The following GEMIN5 variants were observed in gnomAD, a reference collection of about 807,000 sequenced individuals.
GEMIN5 encodes gem nuclear organelle associated protein 5.
In GEMIN5, 124 loss-of-function variants were observed where a neutral mutation model predicts 176.9. The ratio of observed to expected loss-of-function variants is 0.70; its 90% CI spans 0.61 to 0.81. GEMIN5 has a LOEUF of 0.81. Among genes scored for constraint, GEMIN5 ranks in the 40% least tolerant of loss-of-function variants. The probability of loss-of-function intolerance (pLI) is 0.00; values close to 1 mark genes in which losing one functional copy is unlikely to be tolerated. For missense variants in GEMIN5, 1,843 were observed against 1,814.6 expected, an observed-to-expected ratio of 1.02 and a Z score of -0.28; for synonymous variants, 673 against 665.2, an observed-to-expected ratio of 1.01 and a Z score of -0.18.
At chr5:154,890,973 C>T (rs1278360785) in intron 26 of GEMIN5, among the ~76,000 whole-genome samples, 1 of 151,424 alleles carries the variant, frequency 6.6e-6, no homozygotes, top group African/African-American at 2.4e-5. Context: ...CCAGGCTGGT[C>T]TCAAACTCCT....
intron 14 of GEMIN5, 69 bp downstream of exon 14, chr5:154,912,830 G>A: frequency 7.3e-7 from 1 of 1,360,694 alleles, no homozygotes; most frequent in South Asian, 1.4e-5. Context: ...TTCACAACTG[G>A]GGGAAAAGAA....
At chr5:154,924,990 AAAAACAAAAC>A (rs1278071845) in intron 8 of GEMIN5, among the ~76,000 whole-genome samples, 1 of 152,198 alleles carries the variant, frequency 6.6e-6, no homozygotes, top group East Asian at 1.9e-4. Context: ...CTCTGTCTCA[AAAAACAAAAC>A]AAAACAAAAC....
chr5:154,917,031 C>T lies in GEMIN5; in HGVS notation c.1822G>A (p.Val608Ile). 6.3e-7 allele frequency: 1 copy of T among 1,598,540 alleles called. No individual in the cohort carries two copies. The highest frequency in any genetic ancestry group is 8.6e-7 in the Non-Finnish European group (1 of 1,168,374). Reference sequence around the variant, plus strand: ...GTCTTCAGGTTGTGCACGTAAATGACTGCATTGTTGGAGCCAGAGGCCATC... The same window carrying T: ...GTCTTCAGGTTGTGCACGTAAATGATTGCATTGTTGGAGCCAGAGGCCATC... ...YLMASGSNNAVIYVHNLKTVI... is the reference protein window; with the variant it reads ...YLMASGSNNAIIYVHNLKTVI... The change falls in exon 13 of 28, where the codon GTC becomes ATC. Residue 608 changes from valine (V) to isoleucine (I), a missense_variant. Physicochemically the swap from Val to Ile is conservative, Grantham distance 29 (BLOSUM62 3). Transcript: ENST00000285873.
At chr5:154,918,208 CA>C (rs1362168393) in intron 11 of GEMIN5, among the ~76,000 whole-genome samples, 1 of 151,934 alleles carries the variant, frequency 6.6e-6, no homozygotes, top group Admixed American at 6.6e-5. Context: ...AAAAACAAAA[CA>C]AAAAAACCCC....
In GEMIN5 at chr5:154,901,479, G is replaced by C. The variant is rs769499034; in HGVS notation, c.2874C>G (p.Tyr958Ter). 1.9e-6 allele frequency: 3 copies of C among 1,613,196 alleles called. No homozygotes were observed. The highest frequency in any genetic ancestry group is 2.5e-6 in the Non-Finnish European group (3 of 1,179,670). The change falls in exon 21 of 28, where the codon TAC becomes TAG. Residue 958 changes from tyrosine (Y) to a stop codon, truncating the protein, a stop_gained. Transcript: ENST00000285873. LOFTEE classifies it high-confidence loss of function. The stretch of plus-strand genomic sequence containing the variant: ...CTTCCACAGCCCATAGCCACACATG[G>C]TAGCCAGCTGAAAAAATAAAAGATG... Reference protein sequence around the residue: ...NLVAMAPAAGYHVWLWAVEAF... With the variant: ...NLVAMAPAAG
In GEMIN5 at chr5:154,891,427, A is replaced by T. The variant is rs370974074; in HGVS notation, c.4076T>A (p.Leu1359His). 6 of 1,613,988 alleles carry T rather than the reference A, an allele frequency of 3.7e-6. No homozygotes were observed. In the African/African-American group the frequency reaches 4.0e-5, roughly 11 times the overall value. ...GERMLSTFKE[L>H]FSEKHASLQN... is the part of the protein sequence containing the mutation. ...GAGACTGGCATGCTTTTCTGAAAAGAGCTCCTTAAAAGTACTCAGCATTCG... is the reference window on the plus strand; with the variant it reads ...GAGACTGGCATGCTTTTCTGAAAAGTGCTCCTTAAAAGTACTCAGCATTCG... The change falls in exon 26 of 28, where the codon CTC (leucine) becomes CAC (histidine). Residue 1359 changes from leucine to histidine, a missense_variant. By Grantham distance (99) the Leu-to-His change is moderately conservative. Transcript: ENST00000285873.
intron 13 of GEMIN5, among the ~76,000 whole-genome samples, chr5:154,916,546 G>A (rs1257849235): frequency 6.6e-6 from 1 of 151,940 alleles, no homozygotes; most frequent in Non-Finnish European, 1.5e-5. Flanking sequence ...AGGGTGCAGT[G>A]GTGCAAATAT....
In GEMIN5 at chr5:154,888,342, G is replaced by A. The variant is rs561263427; in HGVS notation, c.4395C>T (p.Leu1465=). The change falls in exon 28 of 28, where the codon CTC becomes CTT. Residue 1465 remains leucine (L), a synonymous_variant. Transcript: ENST00000285873. The part of the protein sequence containing the change: ...WPFPDVLECC[L]VLLLIRSHFP... Reference sequence around the variant, plus strand: ...AGTGGGACCTGATGAGAAGCAGGACGAGGCAGCACTCCAGCACATCTGGGA... The same window carrying A: ...AGTGGGACCTGATGAGAAGCAGGACAAGGCAGCACTCCAGCACATCTGGGA... 5.0e-6 allele frequency: 8 copies of A among 1,614,174 alleles called. No homozygotes were observed. The highest frequency in any genetic ancestry group is 2.2e-5 in the East Asian group (1 of 44,878).
intron 23 of GEMIN5, among the ~76,000 whole-genome samples, chr5:154,898,055 C>T (rs1222410987): frequency 6.6e-6 from 1 of 151,982 alleles, no homozygotes; most frequent in Non-Finnish European, 1.5e-5. Context: ...AGCGTGCCAC[C>T]ACGCTCGGCT....
chr5:154,910,997 C>T (rs111333229), intron 15 of GEMIN5, among the ~76,000 whole-genome samples: 2,048 of 152,242 alleles, frequency 0.013, 54 homozygotes, highest in African/African-American at 0.047. Flanking sequence ...CGCACCTGGC[C>T]TCCTCTTACT....
intron 5 of GEMIN5, among the ~76,000 whole-genome samples, 190 bp downstream of exon 5, chr5:154,931,268 A>C (rs574823700): frequency 6.6e-6 from 1 of 152,352 alleles, no homozygotes; most frequent in Admixed American, 6.5e-5. Context: ...GGGAAATACT[A>C]ATCTCTAAGG....
At chr5:154,895,110 A>T (rs1763322069) in intron 24 of GEMIN5, among the ~76,000 whole-genome samples, 1 of 151,996 alleles carries the variant, frequency 6.6e-6, no homozygotes, top group Non-Finnish European at 1.5e-5. Flanking sequence ...GAAAAAAGAA[A>T]AGAAAAAAAG....
Position 154,903,240 on chromosome 5 carries a change from A to C in GEMIN5, c.2633-65T>G, listed in dbSNP as rs1763501306. Reference sequence around the variant, plus strand: ...TACATTGATTACAGTTTTCTCTCCAATAACTTCCGAATATATGTTTGGAAC... The same window carrying C: ...TACATTGATTACAGTTTTCTCTCCACTAACTTCCGAATATATGTTTGGAAC... On this transcript the variant is annotated intron_variant, in intron 18 of 27. Transcript: ENST00000285873. 2.9e-6 allele frequency: 3 copies of C among 1,043,206 alleles called. No individual in the cohort carries two copies. In the Admixed American group the frequency reaches 5.2e-5, roughly 18 times the overall value. The allele number at this position is 1,043,206 out of a possible 1,614,324, so 64.6% of individuals were successfully genotyped here.
chr5:154,925,489 T>C lies in GEMIN5; in HGVS notation c.1293+373A>G, dbSNP rs1764010347. 2.6e-5 allele frequency among the ~76,000 whole-genome samples: 4 copies of C among 152,342 alleles called. No homozygotes were observed. The South Asian group carries it at 8.3e-4, about 32-fold the overall frequency. ...TGCTTTCCATGTTTTATAATTGACA[T>C]TTTTCATAAATCATTTATATACCTT... On this transcript the variant is annotated intron_variant, in intron 8 of 27. Transcript: ENST00000285873.
chr5:154,895,973 C>T (rs935002446), intron 24 of GEMIN5, 119 bp downstream of exon 24: 9 of 1,197,072 alleles, frequency 7.5e-6, no homozygotes, highest in African/African-American at 1.5e-5. Flanking sequence ...CGTGGCCATG[C>T]CTTAGCCTTT....
rs1763143192 is a variant in GEMIN5 at position 154,887,947 on chromosome 5, ACT to A, written c.*261_*262del. 1 of 421,410 alleles carries A rather than the reference ACT, an allele frequency of 2.4e-6. No individual in the cohort carries two copies. Among genetic ancestry groups the A allele is most frequent in the African/African-American group, 2.0e-5 (1 of 49,102 alleles). 26.1% of individuals were successfully genotyped at this position (421,410 alleles called of 1,614,324 possible). ...GCCTAAGGCTGTAGAGATGACCAAC[ACT>A]CTGCAGGTGTTAGTTCTGAATAACT... On this transcript the variant is annotated 3_prime_UTR_variant, in exon 28 of 28. Coordinates refer to ENST00000285873, the MANE Select transcript of GEMIN5 (RefSeq NM_015465.5).
At chr5:154,923,905 C>A (rs1343372194) in intron 9 of GEMIN5, among the ~76,000 whole-genome samples, 1 of 152,114 alleles carries the variant, frequency 6.6e-6, no homozygotes, top group Non-Finnish European at 1.5e-5. Flanking sequence ...GCCTCTAGAG[C>A]AGCGGTGTAC....
At chr5:154,931,343 AAAGTG>A (rs1229671208) in intron 5 of GEMIN5, 110 bp downstream of exon 5, 1 of 1,089,432 alleles carries the variant, frequency 9.2e-7, no homozygotes, top group African/African-American at 1.6e-5. Flanking sequence ...TCTAGACCAA[AAAGTG>A]AAGAACTGCT....
chr5:154,892,679 T>C, intron 24 of GEMIN5, 130 bp from the exon 25 acceptor site: 1 of 850,966 alleles, frequency 1.2e-6, no homozygotes, highest in Non-Finnish European at 1.8e-6. Flanking sequence ...GTTCCTCTTG[T>C]CTCCGCCACC....
Sources: gnomAD v4.1 joint callset for allele counts (sites outside exome capture counted in the v4.1 genomes callset) on GRCh38, gnomAD v4.1.1 for gene constraint, MANE v1.5 for transcripts, NCBI Gene and HGNC (gene_info 2026-07-23, HGNC 2026-07-21) for gene names.